The following YAF2 variants were observed in gnomAD, a reference collection of about 807,000 sequenced individuals.
YAF2 encodes YY1 associated factor 2.
YAF2 carries 7 observed loss-of-function variants against 20.1 expected under a neutral mutation model. That is an observed-to-expected ratio of 0.35 (90% confidence interval 0.20 to 0.65). The LOEUF (loss-of-function observed/expected upper bound fraction) is 0.65. YAF2 is among the 30% of genes least tolerant of loss of function. The probability of loss-of-function intolerance (pLI) is 0.69; values close to 1 mark genes in which losing one functional copy is unlikely to be tolerated. For synonymous variants in YAF2, 74 were observed against 76.0 expected (o/e 0.97, Z 0.14); for missense variants, 151 against 219.2 (o/e 0.69, Z 1.96).
chr12:42,170,064 G>A (rs576741266), intron 2 of YAF2, among the ~76,000 whole-genome samples: 21 of 151,698 alleles, frequency 1.4e-4, no homozygotes, highest in African/African-American at 5.1e-4. Flanking sequence ...AGAGATGAGG[G>A]TCTCACAACG....
At chr12:42,205,080 T>C (rs1368643939) in intron 2 of YAF2, among the ~76,000 whole-genome samples, 35 of 151,260 alleles carry the variant, frequency 2.3e-4, no homozygotes. Flanking sequence ...CACCTATTCC[T>C]CTTGGGGAAA....
At position 42,206,105 on chromosome 12, in the gene YAF2, A is replaced by T. The variant is rs75785413; in HGVS notation, c.152+31494T>A. On this transcript the variant is annotated intron_variant, in intron 2 of 3. Coordinates refer to ENST00000534854, the MANE Select transcript of YAF2 (RefSeq NM_005748.6). ...TCTGCATTTCTCTGTGCTTGTCCGG[A>T]GGAGTACTCATTTCTTTCTTCAAAT... 5.6e-3 allele frequency among the ~76,000 whole-genome samples: 856 copies of T among 152,050 alleles called. 6 individuals carry two copies. Among genetic ancestry groups the T allele is most frequent in the African/African-American group, 0.02 (813 of 41,476 alleles).
intron 2 of YAF2, chr12:42,233,039 C>T: frequency 1.0e-6 from 1 of 985,386 alleles, no homozygotes; most frequent in Non-Finnish European, 1.2e-6. Context: ...TTGCTCACCA[C>T]TGTATGTCTA....
chr12:42,169,776 CTA>C (rs1232099783), intron 2 of YAF2, among the ~76,000 whole-genome samples: 1 of 152,106 alleles, frequency 6.6e-6, no homozygotes, highest in Non-Finnish European at 1.5e-5. Context: ...AATAATGACA[CTA>C]TTGGAGTGGT....
intron 2 of YAF2, among the ~76,000 whole-genome samples, chr12:42,216,796 AC>A (rs1056355476): frequency 1.3e-5 from 2 of 152,152 alleles, no homozygotes; most frequent in Non-Finnish European, 2.9e-5. Context: ...CTATAGGCAA[AC>A]TATTACCTTC....
chr12:42,226,666 AAAAT>A (rs897887713), intron 2 of YAF2, among the ~76,000 whole-genome samples: 10 of 152,294 alleles, frequency 6.6e-5, no homozygotes, highest in Non-Finnish European at 1.2e-4. Flanking sequence ...CCTGTCTCAG[AAAAT>A]AAATAAATAA....
chr12:42,198,112 T>G (rs915631790), intron 2 of YAF2, among the ~76,000 whole-genome samples: 2 of 151,840 alleles, frequency 1.3e-5, no homozygotes, highest in African/African-American at 2.4e-5. Flanking sequence ...GGGCCTCACC[T>G]TATAAAAAAA....
intron 2 of YAF2, among the ~76,000 whole-genome samples, chr12:42,183,271 A>G (rs1355056620): frequency 6.6e-6 from 1 of 152,186 alleles, no homozygotes; most frequent in African/African-American, 2.4e-5. Flanking sequence ...ATAACTCAAC[A>G]ATGGTGTCTA....
intron 2 of YAF2, among the ~76,000 whole-genome samples, chr12:42,195,337 A>C (rs2066721803): frequency 6.6e-6 from 1 of 152,240 alleles, no homozygotes; most frequent in African/African-American, 2.4e-5. Flanking sequence ...TATCTTAAGA[A>C]TGAAATTGTG....
rs142901101 is a variant in YAF2 at position 42,219,644 on chromosome 12, A to T, written c.152+17955T>A. Reference sequence around the variant, plus strand: ...CCTGCACACACACATGCACACACAAAAATGTGAGGGAAAAGCTCTTTGGAA... The same window carrying T: ...CCTGCACACACACATGCACACACAATAATGTGAGGGAAAAGCTCTTTGGAA... On this transcript the variant is annotated intron_variant, in intron 2 of 3. Transcript: ENST00000534854. Among the ~76,000 whole-genome samples the T allele has an allele frequency of 1.9e-3, 291 of 152,300 alleles. 1 individual carries two copies. Among genetic ancestry groups the T allele is most frequent in the African/African-American group, 6.6e-3 (273 of 41,578 alleles).
chr12:42,217,608 TTAAC>T (rs574829721), intron 2 of YAF2, among the ~76,000 whole-genome samples: 34 of 152,220 alleles, frequency 2.2e-4, no homozygotes, highest in Non-Finnish European at 4.1e-4. Flanking sequence ...ATCATTATCA[TTAAC>T]TAAGAAATGT....
Position 42,237,713 on chromosome 12 carries a change from T to TGCCGCTTCGGCC in YAF2, c.27-1_37dup (p.Arg9_Arg12dup). 6.4e-7 allele frequency: 1 copy of TGCCGCTTCGGCC among 1,564,780 alleles called. No homozygotes were observed. The highest frequency in any genetic ancestry group is 8.6e-7 in the Non-Finnish European group (1 of 1,157,972). On this transcript the variant is annotated inframe_insertion, in exon 2 of 4. Transcript: ENST00000534854. ...ACCCTCATCCGAGGACGGCTTCGGC[T>TGCCGCTTCGGCC]GCCGCTTCGGCCTGCAGGACACAAC...
At chr12:42,232,361 C>T (rs1427766436) in intron 2 of YAF2, 1 of 906,336 alleles carries the variant, frequency 1.1e-6, no homozygotes, top group Non-Finnish European at 1.3e-6. Context: ...AAAGCTTCAA[C>T]TAAAAAGATC....
chr12:42,175,007 C>T (rs1178397556), intron 2 of YAF2, among the ~76,000 whole-genome samples: 1 of 152,174 alleles, frequency 6.6e-6, no homozygotes, highest in African/African-American at 2.4e-5. Context: ...CCATAACATC[C>T]AGGCATTTCC....
At chr12:42,206,913 C>T (rs2067060355) in intron 2 of YAF2, among the ~76,000 whole-genome samples, 1 of 152,020 alleles carries the variant, frequency 6.6e-6, no homozygotes, top group Non-Finnish European at 1.5e-5. Flanking sequence ...AGTACAATGA[C>T]CCATATACCT....
At chr12:42,203,560 T>C (rs1352891388) in intron 2 of YAF2, among the ~76,000 whole-genome samples, 2 of 152,168 alleles carry the variant, frequency 1.3e-5, no homozygotes, top group Non-Finnish European at 2.9e-5. Flanking sequence ...AAAAAGCTCA[T>C]TTCTGTTCAT....
At chr12:42,185,869 T>C (rs1473986977) in intron 2 of YAF2, among the ~76,000 whole-genome samples, 1 of 152,194 alleles carries the variant, frequency 6.6e-6, no homozygotes, top group Non-Finnish European at 1.5e-5. Flanking sequence ...GTTCTAGATA[T>C]AGGGCACAAT....
chr12:42,198,115 T>TAA (rs199662584), intron 2 of YAF2, among the ~76,000 whole-genome samples: 1 of 147,414 alleles, frequency 6.8e-6, no homozygotes. Context: ...CCTCACCTTA[T>TAA]AAAAAAAAAA....
At chr12:42,235,484 A>G in intron 2 of YAF2, 3 of 1,230,950 alleles carry the variant, frequency 2.4e-6, no homozygotes, top group Non-Finnish European at 2.1e-6. Context: ...AATTTCAGAA[A>G]CCACTAGGAA....
Sources: gnomAD v4.1 joint callset for allele counts (sites outside exome capture counted in the v4.1 genomes callset) on GRCh38, gnomAD v4.1.1 for gene constraint, MANE v1.5 for transcripts, NCBI Gene and HGNC (gene_info 2026-07-23, HGNC 2026-07-21) for gene names.